Variants in ALDH5A1 observed in about 807,000 individuals in gnomAD.
ALDH5A1 encodes the protein succinate-semialdehyde dehydrogenase, mitochondrial.
In ALDH5A1, 33 loss-of-function variants were observed where a neutral mutation model predicts 54.7. That is an observed-to-expected ratio of 0.60 (90% confidence interval 0.46 to 0.81). The LOEUF is 0.81. Among genes scored for constraint, ALDH5A1 ranks in the 30% least tolerant of loss-of-function variants. ALDH5A1 has a pLI of 0.00. For missense variants in ALDH5A1, 657 were observed against 711.0 expected (o/e 0.92, Z 0.86); for synonymous variants, 294 against 292.7 (o/e 1.00, Z -0.05).
chr6:24,526,373 CAT>C (rs1468208008), intron 7 of ALDH5A1, among the ~76,000 whole-genome samples: 1 of 152,088 alleles, frequency 6.6e-6, no homozygotes, highest in Non-Finnish European at 1.5e-5. Context: ...CTAAAAATCT[CAT>C]AGTGTCCTGC....
intron 9 of ALDH5A1, among the ~76,000 whole-genome samples, chr6:24,533,235 A>G (rs919861514): frequency 6.6e-6 from 1 of 152,196 alleles, no homozygotes; most frequent in African/African-American, 2.4e-5. Context: ...TGTCGTGTGG[A>G]AATCTAACAG....
intron 2 of ALDH5A1, 29 bp from the exon 3 acceptor site, chr6:24,503,234 T>TA (rs767944053): frequency 5.3e-5 from 85 of 1,610,210 alleles, no homozygotes; most frequent in Non-Finnish European, 7.0e-5. Flanking sequence ...TAGAAGGTAA[T>TA]ACGTGGGTTC....
chr6:24,495,363 G>T lies in ALDH5A1; in HGVS notation c.354+13G>T, dbSNP rs779886253. 2.0e-6 allele frequency: 3 copies of T among 1,531,876 alleles called. No homozygotes were observed. The highest frequency in any genetic ancestry group is 1.7e-6 in the Non-Finnish European group (2 of 1,145,668). The allele number at this position is 1,531,876 out of a possible 1,614,324, so 94.9% of individuals were successfully genotyped here. A position where few individuals can be genotyped will look rare whatever the true frequency, so the allele number is the denominator to read the frequency against. On this transcript the variant is annotated intron_variant, in intron 1 of 9. Coordinates refer to ENST00000357578, the MANE Select transcript of ALDH5A1 (RefSeq NM_001080.3). The stretch of plus-strand genomic sequence containing the variant: ...GGTCTCCGCCAAGGTGAGAGAGCCC[G>T]GATGCAGGGGGCCAGAGCTGGCCGG...
At chr6:24,528,314 G>A (rs986205518) in intron 8 of ALDH5A1, 148 bp downstream of exon 8, 7 of 835,896 alleles carry the variant, frequency 8.4e-6, no homozygotes, top group Middle Eastern at 3.5e-4. Context: ...CAATTTATGG[G>A]TTTTTAAAAA....
chr6:24,532,920 G>A (rs374062242), intron 9 of ALDH5A1, among the ~76,000 whole-genome samples: 114 of 152,238 alleles, frequency 7.5e-4, no homozygotes, highest in Middle Eastern at 6.8e-3. Context: ...CCTTCTCGAT[G>A]GGGTGATGGT....
intron 7 of ALDH5A1, among the ~76,000 whole-genome samples, chr6:24,523,303 A>G (rs950965239): frequency 1.3e-5 from 2 of 152,182 alleles, no homozygotes; most frequent in Admixed American, 1.3e-4. Flanking sequence ...AAAACCACAA[A>G]GGTTAAAATA....
Position 24,533,515 on chromosome 6 carries a change from T to G in ALDH5A1, c.1411T>G (p.Tyr471Asp), listed in dbSNP as rs756140133. The change falls in exon 10 of 10, where the codon TAC (tyrosine) becomes GAC (aspartate). Residue 471 changes from tyrosine to aspartate, a missense_variant. Physicochemically the swap from Tyr to Asp is radical, Grantham distance 160 (BLOSUM62 -3). Coordinates refer to ENST00000357578, the MANE Select transcript of ALDH5A1 (RefSeq NM_001080.3). ...AADVGLAGYF[Y>D]SQDPAQIWRV... is the part of the protein sequence containing the mutation. ...CTTTTATCCTGTGACAGGTTATTTT[T>G]ACTCTCAAGACCCAGCCCAGATCTG... The G allele has an allele frequency of 6.2e-7, 1 of 1,614,170 alleles. No individual in the cohort carries two copies. Among genetic ancestry groups the G allele is most frequent in the Non-Finnish European group, 8.5e-7 (1 of 1,180,018 alleles).
At chr6:24,511,233 T>A (rs560384212) in intron 4 of ALDH5A1, among the ~76,000 whole-genome samples, 2 of 152,334 alleles carry the variant, frequency 1.3e-5, no homozygotes, top group African/African-American at 4.8e-5. Flanking sequence ...CTGGTGCTTT[T>A]GCCTCACAGC....
Position 24,535,035 on chromosome 6 carries a change from C to T in ALDH5A1, c.*1323C>T, listed in dbSNP as rs964251793. 3.3e-5 allele frequency: 5 copies of T among 152,296 alleles called. No homozygotes were observed. The highest frequency in any genetic ancestry group is 1.9e-4 in the East Asian group (1 of 5,186). 9.4% of individuals were successfully genotyped at this position (152,296 alleles called of 1,614,324 possible). A position where few individuals can be genotyped will look rare whatever the true frequency, so the allele number is the denominator to read the frequency against. ...GCCTCTCACTTTGAAAGAAAGACTC[C>T]GTAATCTTAAACAGATGCAAATCCA... On this transcript the variant is annotated 3_prime_UTR_variant, in exon 10 of 10. Coordinates refer to ENST00000357578, the MANE Select transcript of ALDH5A1 (RefSeq NM_001080.3).
intron 8 of ALDH5A1, among the ~76,000 whole-genome samples, chr6:24,530,965 C>G (rs568690627): frequency 2.8e-4 from 42 of 152,352 alleles, no homozygotes; most frequent in Non-Finnish European, 4.0e-4. Flanking sequence ...GTGAGGCCAT[C>G]ATTCTCCCCC....
In ALDH5A1 at chr6:24,522,840, C is replaced by A. The variant is rs1353537567; in HGVS notation, c.1088C>A (p.Ala363Asp). 1 of 1,613,894 alleles carries A rather than the reference C, an allele frequency of 6.2e-7. No individual in the cohort carries two copies. The highest frequency in any genetic ancestry group is 2.2e-5 in the East Asian group (1 of 44,892). The change falls in exon 7 of 10, where the codon GCC becomes GAC. Residue 363 changes from alanine (A) to aspartate (D), a missense_variant. Around this residue, in one of 2 missense-constraint regions of ALDH5A1, gnomAD observed 425 missense variants for 516.4 expected, o/e 0.82. Coordinates refer to ENST00000357578, the MANE Select transcript of ALDH5A1 (RefSeq NM_001080.3). The stretch of plus-strand genomic sequence containing the variant: ...GCCTTTGTAAAAGCATTCGCCGAGG[C>A]CATGAAGAAGAACCTGCGCGTAGGT... Reference protein sequence around the residue: ...HDAFVKAFAEAMKKNLRVGNG... With the variant: ...HDAFVKAFAEDMKKNLRVGNG...
chr6:24,500,034 C>T (rs1414647382), intron 1 of ALDH5A1, among the ~76,000 whole-genome samples: 1 of 152,112 alleles, frequency 6.6e-6, no homozygotes, highest in African/African-American at 2.4e-5. Flanking sequence ...TGTTGAACTC[C>T]TGGCCACAAG....
At chr6:24,532,241 C>T (rs567929603) in intron 9 of ALDH5A1, 64 bp downstream of exon 9, 54 of 1,517,270 alleles carry the variant, frequency 3.6e-5, no homozygotes, top group Non-Finnish European at 4.8e-5. Flanking sequence ...GCCAGATTTA[C>T]CCTTTTAAAC....
At chr6:24,530,739 A>G (rs1007153983) in intron 8 of ALDH5A1, among the ~76,000 whole-genome samples, 3 of 152,182 alleles carry the variant, frequency 2.0e-5, no homozygotes, top group African/African-American at 7.2e-5. Flanking sequence ...CATTGCCTAC[A>G]CTTGTTTCCC....
At position 24,520,564 on chromosome 6, in the gene ALDH5A1, T is replaced by G; in HGVS notation, c.1014+20T>G. 6.2e-7 allele frequency: 1 copy of G among 1,613,764 alleles called. No homozygotes were observed. On this transcript the variant is annotated intron_variant, in intron 6 of 9. Coordinates refer to ENST00000357578, the MANE Select transcript of ALDH5A1 (RefSeq NM_001080.3). ...GGACAGGTGAGTCCTGGAGAGTATT[T>G]CAGGATGTGTGTTTGCGTGTGCATG...
chr6:24,497,672 T>C (rs764025276), intron 1 of ALDH5A1, among the ~76,000 whole-genome samples: 1 of 152,170 alleles, frequency 6.6e-6, no homozygotes, highest in Non-Finnish European at 1.5e-5. Context: ...GCTGACACAT[T>C]TGCAGAACAG....
At chr6:24,527,352 T>C (rs1759834805) in intron 7 of ALDH5A1, among the ~76,000 whole-genome samples, 1 of 151,930 alleles carries the variant, frequency 6.6e-6, no homozygotes, top group African/African-American at 2.4e-5. Flanking sequence ...GGCGGGTGAA[T>C]CACGAGGTCA....
chr6:24,508,446 A>G (rs1026549778), intron 4 of ALDH5A1, among the ~76,000 whole-genome samples: 5 of 150,100 alleles, frequency 3.3e-5, no homozygotes, highest in Non-Finnish European at 7.4e-5. Flanking sequence ...CCATTAATTC[A>G]TTCCTTTTTA....
chr6:24,530,431 TCTTA>T (rs1315422157), intron 8 of ALDH5A1, among the ~76,000 whole-genome samples: 3 of 152,220 alleles, frequency 2.0e-5, no homozygotes, highest in African/African-American at 7.2e-5. Context: ...GCTTTATCTT[TCTTA>T]GTCTCAGAGC....
Sources: gnomAD v4.1 joint callset for allele counts (sites outside exome capture counted in the v4.1 genomes callset) on GRCh38, gnomAD v4.1.1 for gene constraint, gnomAD v4.1.1 regional missense constraint, MANE v1.5 for transcripts, NCBI Gene and HGNC (gene_info 2026-07-23, HGNC 2026-07-21) for gene names.